DLGAP2: variants seen among roughly 807,000 people sequenced by gnomAD.
DLGAP2 encodes DLG associated protein 2.
In DLGAP2, 26 loss-of-function variants were observed where a neutral mutation model predicts 100.3. That is an observed-to-expected ratio of 0.26 (90% CI 0.19 to 0.36). DLGAP2 has a LOEUF of 0.36. DLGAP2 is among the 10% of genes least tolerant of loss of function. DLGAP2 has a pLI of 1.00. For missense variants in DLGAP2, 1,858 were observed against 1,453.2 expected, an observed-to-expected ratio of 1.28 and a Z score of -4.53; for synonymous variants, 886 against 630.1, an observed-to-expected ratio of 1.41 and a Z score of -6.08.
intron 2 of DLGAP2, among the ~76,000 whole-genome samples, chr8:1,058,396 A>G (rs1195910992): frequency 6.6e-6 from 1 of 152,168 alleles, no homozygotes; most frequent in Non-Finnish European, 1.5e-5. Flanking sequence ...CTGCTGTGAG[A>G]TGCGGTGTGA....
chr8:897,889 C>T (rs1157423111), intron 1 of DLGAP2, among the ~76,000 whole-genome samples: 2 of 152,142 alleles, frequency 1.3e-5, no homozygotes, highest in Non-Finnish European at 2.9e-5. Context: ...CAGGCTTCCT[C>T]CCACATCCCA....
chr8:1,267,548 A>C (rs1585208103), intron 3 of DLGAP2, among the ~76,000 whole-genome samples: 1 of 131,584 alleles, frequency 7.6e-6, no homozygotes, highest in African/African-American at 2.9e-5. Context: ...GACAGAGCAA[A>C]ATTCCCGCTC....
chr8:1,010,276 T>C (rs1801238756), intron 2 of DLGAP2, among the ~76,000 whole-genome samples: 1 of 146,268 alleles, frequency 6.8e-6, no homozygotes. Context: ...ACACACACAT[T>C]CTCACATATG....
chr8:1,683,354 C>A (rs1402497710), intron 12 of DLGAP2, among the ~76,000 whole-genome samples: 1 of 151,342 alleles, frequency 6.6e-6, no homozygotes, highest in African/African-American at 2.4e-5. Flanking sequence ...GGAACAGAGG[C>A]CCCTTTGTCT....
At chr8:1,647,391 A>AG (rs1428548867) in intron 8 of DLGAP2, among the ~76,000 whole-genome samples, 2 of 147,678 alleles carry the variant, frequency 1.4e-5, no homozygotes, top group Non-Finnish European at 3.0e-5. Context: ...CAGGAGGCTG[A>AG]GGCAGGAGAA....
chr8:806,845 A>G (rs181421046), intron 1 of DLGAP2, among the ~76,000 whole-genome samples: 2 of 152,338 alleles, frequency 1.3e-5, no homozygotes, highest in African/African-American at 4.8e-5. Context: ...ATAAAAGAAG[A>G]AGCATTAAAT....
intron 3 of DLGAP2, among the ~76,000 whole-genome samples, chr8:1,320,707 C>G (rs1284185714): frequency 6.6e-6 from 1 of 152,212 alleles, no homozygotes; most frequent in South Asian, 2.1e-4. Context: ...TTCCCAGCAC[C>G]TTGTGCACAC....
At chr8:1,310,515 A>G (rs975087908) in intron 3 of DLGAP2, among the ~76,000 whole-genome samples, 2 of 152,362 alleles carry the variant, frequency 1.3e-5, no homozygotes, top group East Asian at 3.9e-4. Flanking sequence ...GTACAGAAGC[A>G]TCCACCTGAC....
chr8:1,427,289 T>A (rs1797262210), intron 3 of DLGAP2, among the ~76,000 whole-genome samples: 1 of 152,182 alleles, frequency 6.6e-6, no homozygotes, highest in African/African-American at 2.4e-5. Context: ...ATATAGATGA[T>A]TTGAACAACA....
intron 1 of DLGAP2, among the ~76,000 whole-genome samples, chr8:784,923 C>G (rs1467623315): frequency 6.6e-6 from 1 of 152,132 alleles, no homozygotes; most frequent in East Asian, 1.9e-4. Flanking sequence ...AAGGGCACGT[C>G]CTGGCTGGGC....
At position 1,198,512 on chromosome 8, in the gene DLGAP2, C is replaced by T. The variant is rs1033506984; in HGVS notation, c.74-60339C>T. 2.0e-5 allele frequency among the ~76,000 whole-genome samples: 3 copies of T among 152,068 alleles called. No homozygotes were observed. The East Asian group carries it at 5.8e-4, about 29-fold the overall frequency. ...GTGGTCCAGAAGGATGAGCATCCCC[C>T]AGAGCTCGGGGGAAGGGGCTGCGAG... is the stretch of plus-strand genomic sequence containing the variant. On this transcript the variant is annotated intron_variant, in intron 2 of 14. Coordinates refer to ENST00000637795, the MANE Select transcript of DLGAP2 (RefSeq NM_001346810.2).
chr8:1,173,919 G>A (rs1318494634), intron 2 of DLGAP2, among the ~76,000 whole-genome samples: 1 of 152,190 alleles, frequency 6.6e-6, no homozygotes, highest in East Asian at 1.9e-4. Flanking sequence ...ACTCCCTAGT[G>A]AGATGAACCT....
intron 2 of DLGAP2, among the ~76,000 whole-genome samples, chr8:1,239,989 C>CTCTCTCACACAGAGCATCGTGTCCAGT (rs1798748829): frequency 7.2e-6 from 1 of 137,998 alleles, no homozygotes; most frequent in Non-Finnish European, 1.6e-5. Flanking sequence ...TTGTCTAGTT[C>CTCTCTCACACAGAGCATCGTGTCCAGT]TCTCTCACAC....
chr8:789,662 A>G (rs1821973177), intron 1 of DLGAP2, among the ~76,000 whole-genome samples: 3 of 152,220 alleles, frequency 2.0e-5, no homozygotes, highest in African/African-American at 4.8e-5. Flanking sequence ...CCCAAAGTGG[A>G]AGCTATCACA....
At chr8:1,488,712 C>T (rs76643754) in intron 3 of DLGAP2, among the ~76,000 whole-genome samples, 3 of 152,118 alleles carry the variant, frequency 2.0e-5, no homozygotes, top group Non-Finnish European at 2.9e-5. Flanking sequence ...TACAACATCT[C>T]CAAAGCTCCT....
chr8:1,391,640 G>T (rs76039784), intron 3 of DLGAP2, among the ~76,000 whole-genome samples: 3,312 of 152,320 alleles, frequency 0.022, 110 homozygotes, highest in African/African-American at 0.076. Context: ...GACTGCTCTA[G>T]AAGAGGAGAT....
chr8:1,177,179 G>A (rs996697918), intron 2 of DLGAP2, among the ~76,000 whole-genome samples: 1 of 152,174 alleles, frequency 6.6e-6, no homozygotes, highest in African/African-American at 2.4e-5. Flanking sequence ...GAAGAACTTT[G>A]CTGGGGCCCT....
At chr8:1,458,330 A>G (rs1798379011) in intron 3 of DLGAP2, among the ~76,000 whole-genome samples, 1 of 152,056 alleles carries the variant, frequency 6.6e-6, no homozygotes, top group South Asian at 2.1e-4. Flanking sequence ...ATAACTGAGC[A>G]CCTTCCCCAC....
At chr8:1,143,133 T>A (rs1243403963) in intron 2 of DLGAP2, among the ~76,000 whole-genome samples, 2 of 152,162 alleles carry the variant, frequency 1.3e-5, no homozygotes, top group Non-Finnish European at 2.9e-5. Flanking sequence ...CAGGGTTCTC[T>A]CCTTTATAAA....
Sources: gnomAD v4.1 joint callset for allele counts (sites outside exome capture counted in the v4.1 genomes callset) on GRCh38, gnomAD v4.1.1 for gene constraint, MANE v1.5 for transcripts, NCBI Gene and HGNC (gene_info 2026-07-23, HGNC 2026-07-21) for gene names.